Variants in PPM1H observed in about 807,000 individuals in gnomAD.
The protein encoded by PPM1H is protein phosphatase 1H.
In PPM1H, 27 loss-of-function variants were observed where a neutral mutation model predicts 54.9. The ratio of observed to expected loss-of-function variants is 0.49; its 90% CI spans 0.36 to 0.68. The LOEUF (loss-of-function observed/expected upper bound fraction) is 0.68, where lower values mean the gene tolerates loss of function less well. PPM1H is among the 30% of genes least tolerant of loss of function. The pLI, the probability that PPM1H is intolerant of heterozygous loss-of-function variation, is 0.00. For synonymous variants in PPM1H, 305 were observed against 270.8 expected (o/e 1.13, Z -1.24); for missense variants, 596 against 667.8 (o/e 0.89, Z 1.19).
At chr12:62,700,294 C>A (rs1023766245) in intron 6 of PPM1H, among the ~76,000 whole-genome samples, 2 of 152,138 alleles carry the variant, frequency 1.3e-5, no homozygotes, top group Admixed American at 6.6e-5. Context: ...GAACACCCCC[C>A]ACCTCTGAGA....
rs1051707455 is a variant in PPM1H at position 62,913,053 on chromosome 12, G to A, written c.245+21439C>T. On this transcript the variant is annotated intron_variant, in intron 1 of 9. Coordinates refer to ENST00000228705, the MANE Select transcript of PPM1H (RefSeq NM_020700.2). ...GCAGAGTGAAGGAAAGATCACAGCA[G>A]AAGGGACCCCATGGAGAGCTTAAGG... is the stretch of plus-strand genomic sequence containing the variant. 2.0e-5 allele frequency among the ~76,000 whole-genome samples: 3 copies of A among 152,218 alleles called. No homozygotes were observed. In the South Asian group the frequency reaches 6.2e-4, roughly 31 times the overall value.
chr12:62,915,761 T>A (rs777256041), intron 1 of PPM1H, among the ~76,000 whole-genome samples: 1 of 152,194 alleles, frequency 6.6e-6, no homozygotes, highest in Non-Finnish European at 1.5e-5. Flanking sequence ...CAGCACCCAC[T>A]CTTTCTGTAA....
chr12:62,672,162 C>T (rs937275276), intron 8 of PPM1H, among the ~76,000 whole-genome samples: 1 of 152,196 alleles, frequency 6.6e-6, no homozygotes, highest in Non-Finnish European at 1.5e-5. Flanking sequence ...GAGTGATACA[C>T]AGCATCTGAT....
chr12:62,916,315 A>G (rs1287831700), intron 1 of PPM1H, among the ~76,000 whole-genome samples: 2 of 152,204 alleles, frequency 1.3e-5, no homozygotes, highest in African/African-American at 4.8e-5. Context: ...TGTTGATCAT[A>G]CATCATCTTC....
chr12:62,655,719 C>T (rs569004455), intron 9 of PPM1H, among the ~76,000 whole-genome samples: 15 of 152,236 alleles, frequency 9.9e-5, no homozygotes, highest in East Asian at 1.9e-4. Flanking sequence ...AGCCGGAGCC[C>T]GATGCTTCTG....
At chr12:62,730,138 A>C (rs2076312460) in intron 5 of PPM1H, among the ~76,000 whole-genome samples, 2 of 151,358 alleles carry the variant, frequency 1.3e-5, no homozygotes, top group Admixed American at 6.6e-5. Flanking sequence ...AAACGGCCCC[A>C]CCCCTATCTC....
intron 6 of PPM1H, among the ~76,000 whole-genome samples, chr12:62,705,338 G>C (rs1404696656): frequency 2.0e-5 from 3 of 152,178 alleles, no homozygotes; most frequent in African/African-American, 7.2e-5. Context: ...GCTTTGACCA[G>C]ATAAAAACAA....
intron 1 of PPM1H, among the ~76,000 whole-genome samples, chr12:62,838,112 G>T (rs1173533629): frequency 6.6e-6 from 1 of 152,168 alleles, no homozygotes; most frequent in East Asian, 1.9e-4. Context: ...TACAGAAAAA[G>T]ACCAAATAGA....
intron 6 of PPM1H, among the ~76,000 whole-genome samples, chr12:62,703,165 CG>C (rs2076153636): frequency 1.3e-5 from 2 of 152,120 alleles, no homozygotes; most frequent in African/African-American, 4.8e-5. Context: ...AGCACATCCC[CG>C]TAGGAAAAAC....
intron 4 of PPM1H, among the ~76,000 whole-genome samples, chr12:62,760,692 T>C (rs1045949099): frequency 7.9e-5 from 12 of 152,220 alleles, no homozygotes; most frequent in African/African-American, 2.9e-4. Flanking sequence ...CCACTAAATA[T>C]ATACAGGAAT....
chr12:62,824,464 C>T (rs1225037248), intron 2 of PPM1H, among the ~76,000 whole-genome samples: 1 of 152,148 alleles, frequency 6.6e-6, no homozygotes, highest in Non-Finnish European at 1.5e-5. Context: ...GCAAAAAGAA[C>T]AAAGCTGGAG....
chr12:62,703,218 T>C (rs1422767680), intron 6 of PPM1H, among the ~76,000 whole-genome samples: 1 of 152,126 alleles, frequency 6.6e-6, no homozygotes, highest in Non-Finnish European at 1.5e-5. Flanking sequence ...TCATACTTTT[T>C]CTACTGTAAG....
chr12:62,880,681 CA>C (rs1565818309), intron 1 of PPM1H, among the ~76,000 whole-genome samples: 1 of 152,218 alleles, frequency 6.6e-6, no homozygotes, highest in Non-Finnish European at 1.5e-5. Context: ...TGTCATTCTG[CA>C]GACTTATGCC....
chr12:62,750,061 A>T (rs2076433267), intron 4 of PPM1H, among the ~76,000 whole-genome samples: 1 of 95,788 alleles, frequency 1.0e-5, no homozygotes. Context: ...GGTGCATATC[A>T]TTTCTCAAAA....
chr12:62,809,383 C>T (rs2076822901), intron 2 of PPM1H, among the ~76,000 whole-genome samples: 1 of 152,172 alleles, frequency 6.6e-6, no homozygotes, highest in African/African-American at 2.4e-5. Context: ...GAGGATTCTC[C>T]CTTCTTTCCT....
chr12:62,830,918 A>G (rs76114074), intron 2 of PPM1H, among the ~76,000 whole-genome samples: 1 of 151,684 alleles, frequency 6.6e-6, no homozygotes, highest in African/African-American at 2.4e-5. Context: ...CAGTGGCGTG[A>G]TCTCAGCTCA....
At chr12:62,736,748 G>A (rs1225195923) in intron 5 of PPM1H, among the ~76,000 whole-genome samples, 6 of 152,186 alleles carry the variant, frequency 3.9e-5, no homozygotes, top group African/African-American at 9.7e-5. Context: ...TCCAGTTGGC[G>A]AGAAAATATT....
chr12:62,750,159 A>T (rs1041749858), intron 4 of PPM1H, among the ~76,000 whole-genome samples: 2 of 152,204 alleles, frequency 1.3e-5, no homozygotes, highest in African/African-American at 2.4e-5. Context: ...AAGTGATACA[A>T]TTCAGTGTTT....
chr12:62,849,018 G>A (rs944281734), intron 1 of PPM1H, among the ~76,000 whole-genome samples: 28 of 152,170 alleles, frequency 1.8e-4, no homozygotes, highest in African/African-American at 6.5e-4. Flanking sequence ...AGTGGTGAGT[G>A]AGAGACTACC....
Sources: gnomAD v4.1 joint callset for allele counts (sites outside exome capture counted in the v4.1 genomes callset) on GRCh38, gnomAD v4.1.1 for gene constraint, MANE v1.5 for transcripts, NCBI Gene and HGNC (gene_info 2026-07-23, HGNC 2026-07-21) for gene names.